The following NCOR2 variants were observed in gnomAD, a reference collection of about 807,000 sequenced individuals.
NCOR2 encodes the protein nuclear receptor corepressor 2.
Under a neutral mutation model 262.9 loss-of-function variants are expected in NCOR2, and 81 were observed. The observed-to-expected ratio is 0.31, with a 90% CI of 0.26 to 0.37. The LOEUF (loss-of-function observed/expected upper bound fraction) is 0.37. Ranked by LOEUF, NCOR2 falls within the 10% of genes least tolerant of loss-of-function variation. The probability of loss-of-function intolerance (pLI) is 1.00; values close to 1 mark genes in which losing one functional copy is unlikely to be tolerated. For missense variants in NCOR2, 3,385 were observed against 3,621.4 expected, an observed-to-expected ratio of 0.93 and a Z score of 1.68; for synonymous variants, 1,659 against 1,559.3, an observed-to-expected ratio of 1.06 and a Z score of -1.51.
At chr12:124,473,844 C>T (rs545242637) in intron 3 of NCOR2, among the ~76,000 whole-genome samples, 3 of 152,266 alleles carry the variant, frequency 2.0e-5, no homozygotes, top group South Asian at 2.1e-4. Context: ...CAATACACCC[C>T]GGGTTTCCAT....
intron 16 of NCOR2, among the ~76,000 whole-genome samples, chr12:124,388,024 C>G (rs2040946686): frequency 6.9e-6 from 1 of 145,004 alleles, no homozygotes; most frequent in Admixed American, 7.1e-5. Context: ...GCTGGGGACC[C>G]TAATTAACTC....
chr12:124,428,940 AACAGGCTGAC>A (rs2043752617), intron 10 of NCOR2, among the ~76,000 whole-genome samples: 1 of 152,128 alleles, frequency 6.6e-6, no homozygotes, highest in Non-Finnish European at 1.5e-5. Context: ...CCCGGGAGGG[AACAGGCTGAC>A]ACCAACTTCC....
intron 11 of NCOR2, among the ~76,000 whole-genome samples, chr12:124,425,322 A>C (rs376487773): frequency 5.4e-4 from 82 of 152,226 alleles, no homozygotes; most frequent in African/African-American, 1.6e-3. Context: ...TGCAGTGAGC[A>C]GAGATTGTGC....
At chr12:124,439,737 C>G (rs2044706869) in intron 7 of NCOR2, among the ~76,000 whole-genome samples, 2 of 146,370 alleles carry the variant, frequency 1.4e-5, no homozygotes, top group African/African-American at 5.0e-5. Context: ...AAGAGAGGAT[C>G]AGAGAGAGAG....
intron 1 of NCOR2, among the ~76,000 whole-genome samples, chr12:124,490,743 T>C (rs1289171795): frequency 6.6e-6 from 1 of 152,204 alleles, no homozygotes; most frequent in Non-Finnish European, 1.5e-5. Flanking sequence ...CTGGGAGCCT[T>C]AGCCCAGGGC....
chr12:124,449,892 A>ATCAGAGCCTG (rs1565954310), intron 6 of NCOR2, 25 bp from the exon 9 acceptor site: 2 of 1,612,074 alleles, frequency 1.2e-6, no homozygotes, highest in Non-Finnish European at 1.7e-6. Context: ...AGAGAAGCAC[A>ATCAGAGCCTG]TCAGAGCCTG....
At chr12:124,337,314 G>A (rs1369647537) in intron 37 of NCOR2, 134 bp from the exon 40 acceptor site, 2 of 1,015,872 alleles carry the variant, frequency 2.0e-6, no homozygotes, top group African/African-American at 1.6e-5. Context: ...CCTCCTGACT[G>A]TAACCTGCCA....
chr12:124,338,578 G>C (rs1375322918), intron 37 of NCOR2, among the ~76,000 whole-genome samples: 1 of 151,254 alleles, frequency 6.6e-6, no homozygotes. Flanking sequence ...TGGTGAAGCA[G>C]CTCTGCCCAC....
chr12:124,333,913 G>C (rs958915485), intron 41 of NCOR2, among the ~76,000 whole-genome samples: 1 of 64,610 alleles, frequency 1.5e-5, no homozygotes, highest in African/African-American at 8.2e-5. Flanking sequence ...CATGTGTGCG[G>C]GTGTGCATGT....
intron 1 of NCOR2, among the ~76,000 whole-genome samples, chr12:124,488,666 G>A (rs907011959): frequency 2.6e-5 from 4 of 152,202 alleles, no homozygotes; most frequent in South Asian, 4.1e-4. Flanking sequence ...TGACAATGAC[G>A]CAGCTGCCAG....
In NCOR2 at chr12:124,331,255, G is replaced by A. The variant is rs534655704; in HGVS notation, c.6905-357C>T. On this transcript the variant is annotated intron_variant, in intron 43 of 46. Transcript: ENST00000405201. ...TTTTTGTATTTTTAGTAGAGACGGG[G>A]TTTCACCATGTTGGTCAGGCTGGTC... Among the ~76,000 whole-genome samples, 22 of 152,068 alleles carry A rather than the reference G, an allele frequency of 1.4e-4. 1 individual carries two copies. Among genetic ancestry groups the A allele is most frequent in the African/African-American group, 5.3e-4 (22 of 41,482 alleles).
chr12:124,490,055 C>T (rs2047997040), intron 1 of NCOR2, among the ~76,000 whole-genome samples: 1 of 152,188 alleles, frequency 6.6e-6, no homozygotes, highest in African/African-American at 2.4e-5. Flanking sequence ...GCTGCATTCA[C>T]GGGTCTCTCC....
At chr12:124,384,252 G>A (rs1244643196) in intron 17 of NCOR2, among the ~76,000 whole-genome samples, 2 of 152,342 alleles carry the variant, frequency 1.3e-5, no homozygotes, top group East Asian at 3.9e-4. Flanking sequence ...TCTGGCTCAG[G>A]CCCTCTTTGC....
intron 17 of NCOR2, among the ~76,000 whole-genome samples, chr12:124,382,568 G>A (rs2040491576): frequency 6.6e-6 from 1 of 152,256 alleles, no homozygotes; most frequent in Non-Finnish European, 1.5e-5. Flanking sequence ...ACACTAGGAC[G>A]ACCCACTTTG....
At chr12:124,532,197 G>A (rs2050831696) in intron 1 of NCOR2, among the ~76,000 whole-genome samples, 1 of 152,054 alleles carries the variant, frequency 6.6e-6, no homozygotes, top group Non-Finnish European at 1.5e-5. Context: ...CGGCCCTGAG[G>A]TCTGTCCCCC....
chr12:124,433,361 A>G (rs909016435), intron 8 of NCOR2, among the ~76,000 whole-genome samples: 1 of 152,210 alleles, frequency 6.6e-6, no homozygotes, highest in Non-Finnish European at 1.5e-5. Context: ...TGGGTGAGAA[A>G]AGCTCACCTC....
intron 5 of NCOR2, among the ~76,000 whole-genome samples, chr12:124,459,714 C>T (rs962486622): frequency 1.3e-5 from 2 of 152,210 alleles, no homozygotes; most frequent in African/African-American, 2.4e-5. Context: ...CCCTCTAGAA[C>T]GTGGCATGGC....
exon 47 of NCOR2, chr12:124,325,177 C>A: frequency 3.7e-6 from 1 of 272,620 alleles, no homozygotes; most frequent in African/African-American, 2.2e-5. Context: ...ACCAGGTAAA[C>A]ATCCCCTGAG....
At chr12:124,452,004 C>T (rs2045577762) in intron 6 of NCOR2, among the ~76,000 whole-genome samples, 1 of 152,234 alleles carries the variant, frequency 6.6e-6, no homozygotes, top group African/African-American at 2.4e-5. Flanking sequence ...AGCTACTCTC[C>T]TGGGGACAGA....
Sources: gnomAD v4.1 joint callset for allele counts (sites outside exome capture counted in the v4.1 genomes callset) on GRCh38, gnomAD v4.1.1 for gene constraint, MANE v1.5 for transcripts, NCBI Gene and HGNC (gene_info 2026-07-23, HGNC 2026-07-21) for gene names.